Variants in NF2 observed in about 807,000 individuals in gnomAD.
NF2 encodes the protein NF2, moesin-ezrin-radixin like (MERLIN) tumor suppressor, also known as merlin.
NF2 carries 8 observed loss-of-function variants against 83.7 expected under a neutral mutation model. The observed-to-expected ratio is 0.10, with a 90% CI of 0.06 to 0.17. The LOEUF is 0.17. NF2 is among the 10% of genes least tolerant of loss of function. The pLI is 1.00. For missense variants in NF2, 533 were observed against 744.4 expected (o/e 0.72, Z 3.31); for synonymous variants, 266 against 269.6 (o/e 0.99, Z 0.13).
rs570267165 is a variant in NF2 at position 29,652,187 on chromosome 22, C to T, written c.448-2470C>T. Among the ~76,000 whole-genome samples the T allele has an allele frequency of 1.7e-4, 26 of 152,268 alleles. No homozygotes were observed. In the South Asian group the frequency reaches 5.4e-3, roughly 32 times the overall value. ...GGGTACTTCAGCACCCCCCCACTTCCCTTCAGGATCCTCTAAGGCCAGTGC... is the reference window on the plus strand; with the variant it reads ...GGGTACTTCAGCACCCCCCCACTTCTCTTCAGGATCCTCTAAGGCCAGTGC... On this transcript the variant is annotated intron_variant, in intron 4 of 15. Transcript: ENST00000338641.
intron 1 of NF2, among the ~76,000 whole-genome samples, chr22:29,628,140 C>CTGTGTGTG (rs3138701): frequency 0.023 from 3,225 of 139,742 alleles, 52 homozygotes; most frequent in Admixed American, 0.045. Context: ...GAGACTTAAT[C>CTGTGTGTG]TGTGTGTGTG....
At chr22:29,667,133 T>G (rs2066646416) in intron 9 of NF2, among the ~76,000 whole-genome samples, 1 of 152,174 alleles carries the variant, frequency 6.6e-6, no homozygotes, top group Non-Finnish European at 1.5e-5. Context: ...CCAACAGTAG[T>G]GGGTGAAGTT....
chr22:29,645,075 A>T (rs9620914), intron 4 of NF2, among the ~76,000 whole-genome samples: 1 of 152,270 alleles, frequency 6.6e-6, no homozygotes, highest in South Asian at 2.1e-4. Context: ...ATAATAAAAT[A>T]CTCTTAACTC....
chr22:29,635,550 G>A (rs758213760), intron 1 of NF2, among the ~76,000 whole-genome samples: 5 of 151,990 alleles, frequency 3.3e-5, no homozygotes, highest in Non-Finnish European at 7.4e-5. Context: ...GGATGGTCTC[G>A]ATCTCCTGAC....
intron 5 of NF2, among the ~76,000 whole-genome samples, chr22:29,655,098 G>A (rs2066260846): frequency 6.6e-6 from 1 of 152,112 alleles, no homozygotes; most frequent in East Asian, 1.9e-4. Flanking sequence ...TGGGCATTGT[G>A]GTTTTTAATC....
At chr22:29,631,779 A>G (rs1284035515) in intron 1 of NF2, among the ~76,000 whole-genome samples, 2 of 152,338 alleles carry the variant, frequency 1.3e-5, no homozygotes, top group African/African-American at 2.4e-5. Context: ...AAATGAATCA[A>G]TGCACTTAAT....
At chr22:29,655,409 A>G (rs1221801618) in intron 5 of NF2, among the ~76,000 whole-genome samples, 185 bp from the exon 6 acceptor site, 1 of 152,126 alleles carries the variant, frequency 6.6e-6, no homozygotes, top group Non-Finnish European at 1.5e-5. Flanking sequence ...CAGCTTTCTG[A>G]GTTGCTCCTC....
At position 29,696,066 on chromosome 22, in the gene NF2, C is replaced by CTTTT. The variant is rs886057354; in HGVS notation, c.*1284_*1287dup. On this transcript the variant is annotated 3_prime_UTR_variant, in exon 16 of 16. Transcript: ENST00000338641. ...GTCTGGGGCCACCTTCTTGCCCTTTCTTTTTTTTTTTTTTTTTTTTTTTCC... is the reference window on the plus strand; with the variant it reads ...GTCTGGGGCCACCTTCTTGCCCTTTCTTTTTTTTTTTTTTTTTTTTTTTTTTTCC... 28 of 155,912 alleles carry CTTTT rather than the reference C, an allele frequency of 1.8e-4. No homozygotes were observed. The highest frequency in any genetic ancestry group is 2.2e-3 in the Middle Eastern group (1 of 464). 9.7% of individuals were successfully genotyped at this position (155,912 alleles called of 1,614,324 possible).
At chr22:29,623,058 C>G (rs2065256680) in intron 1 of NF2, among the ~76,000 whole-genome samples, 1 of 143,652 alleles carries the variant, frequency 7.0e-6, no homozygotes, top group South Asian at 2.3e-4. Flanking sequence ...TCAAGTGATT[C>G]TCCTGCCTAA....
intron 4 of NF2, among the ~76,000 whole-genome samples, chr22:29,649,965 C>T (rs2066098142): frequency 6.6e-6 from 1 of 152,088 alleles, no homozygotes. Flanking sequence ...TCACATTGCA[C>T]ACCGTATCAA....
chr22:29,620,282 G>A (rs1010178262), intron 1 of NF2, among the ~76,000 whole-genome samples: 2 of 151,840 alleles, frequency 1.3e-5, no homozygotes, highest in African/African-American at 4.8e-5. Context: ...ATAATTAGGC[G>A]TGGTTGTGCG....
Position 29,668,370 on chromosome 22 carries a change from TGAG to T in NF2, c.927_929del (p.Arg311del). The T allele has an allele frequency of 1.2e-6, 2 of 1,613,920 alleles. No homozygotes were observed. Among genetic ancestry groups the T allele is most frequent in the Non-Finnish European group, 1.7e-6 (2 of 1,179,852 alleles). On this transcript the variant is annotated inframe_deletion, in exon 10 of 16. Transcript: ENST00000338641. ...TGTATCGGGAACCATGATCTATTTATGAGGAGAAGGAAAGCCGATTCTTTGGAA... is the reference window on the plus strand; with the variant it reads ...TGTATCGGGAACCATGATCTATTTATGAGAAGGAAAGCCGATTCTTTGGAA...
chr22:29,649,459 G>A (rs2066079901), intron 4 of NF2, among the ~76,000 whole-genome samples: 1 of 152,204 alleles, frequency 6.6e-6, no homozygotes, highest in Admixed American at 6.5e-5. Context: ...CCAACTCTCA[G>A]GGAGGCAAGA....
intron 15 of NF2, among the ~76,000 whole-genome samples, chr22:29,693,371 G>A (rs1050013640): frequency 3.9e-5 from 6 of 152,156 alleles, no homozygotes; most frequent in African/African-American, 1.2e-4. Flanking sequence ...CTTGTTAGTC[G>A]GGAACTTCAA....
intron 10 of NF2, among the ~76,000 whole-genome samples, chr22:29,669,087 C>T (rs2066709723): frequency 6.6e-6 from 1 of 152,366 alleles, no homozygotes; most frequent in African/African-American, 2.4e-5. Context: ...AGAGTAGCAG[C>T]AGCTGCAGTT....
At chr22:29,689,590 T>C (rs1207884497) in intron 15 of NF2, among the ~76,000 whole-genome samples, 1 of 152,174 alleles carries the variant, frequency 6.6e-6, no homozygotes, top group East Asian at 1.9e-4. Flanking sequence ...TGAGTCTTAT[T>C]GTTTAAAATG....
At position 29,603,972 on chromosome 22, in the gene NF2, G is replaced by GAGGGTCCCGGGCC. The variant is rs754376091; in HGVS notation, c.-26_-14dup. 9 of 1,529,064 alleles carry GAGGGTCCCGGGCC rather than the reference G, an allele frequency of 5.9e-6. No individual in the cohort carries two copies. The South Asian group carries it at 5.9e-5, about 10-fold the overall frequency. 94.7% of individuals were successfully genotyped at this position (1,529,064 alleles called of 1,614,324 possible). ...GCTCAGAGTGCAGGCCGTGGGGCGCGAGGGTCCCGGGCCTGAGCCCCGCGC... is the reference window on the plus strand; with the variant it reads ...GCTCAGAGTGCAGGCCGTGGGGCGCGAGGGTCCCGGGCCAGGGTCCCGGGCCTGAGCCCCGCGC... On this transcript the variant is annotated 5_prime_UTR_variant, in exon 1 of 16. Coordinates refer to ENST00000338641, the MANE Select transcript of NF2 (RefSeq NM_000268.4).
chr22:29,644,040 C>T (rs1454650731), intron 4 of NF2, among the ~76,000 whole-genome samples: 4 of 151,824 alleles, frequency 2.6e-5, no homozygotes, highest in South Asian at 2.1e-4. Context: ...ACCTCCCTCC[C>T]GGACGGGGTG....
chr22:29,680,924 C>T (rs1488981133), intron 14 of NF2, among the ~76,000 whole-genome samples: 1 of 148,982 alleles, frequency 6.7e-6, no homozygotes. Context: ...TTCTGGGTTC[C>T]CAGGAAGCTT....
Sources: allele counts gnomAD v4.1 joint callset (sites outside exome capture counted in the v4.1 genomes callset), GRCh38; gene constraint gnomAD v4.1.1; transcripts MANE v1.5; gene names NCBI Gene and HGNC (gene_info 2026-07-23, HGNC 2026-07-21).